The following NEK10 variants were observed in gnomAD, a reference collection of about 807,000 sequenced individuals.
The protein encoded by NEK10 is serine/threonine-protein kinase Nek10.
Under a neutral mutation model 159.8 loss-of-function variants are expected in NEK10, and 122 were observed. The observed-to-expected ratio is 0.76, with a 90% CI of 0.66 to 0.89. NEK10 has a LOEUF of 0.89. Ranked by LOEUF, NEK10 falls within the 40% of genes least tolerant of loss-of-function variation. The pLI, the probability that NEK10 is intolerant of heterozygous loss-of-function variation, is 0.00. For synonymous variants in NEK10, 466 were observed against 457.1 expected (o/e 1.02, Z -0.25); for missense variants, 1,342 against 1,323.1 (o/e 1.01, Z -0.22).
chr3:27,143,017 T>C (rs891810264), intron 30 of NEK10, among the ~76,000 whole-genome samples: 1 of 152,264 alleles, frequency 6.6e-6, no homozygotes, highest in South Asian at 2.1e-4. Context: ...TAAATACCCT[T>C]GGGATAAAAA....
At chr3:27,352,237 G>A (rs2048021611) in intron 3 of NEK10, among the ~76,000 whole-genome samples, 1 of 152,204 alleles carries the variant, frequency 6.6e-6, no homozygotes, top group Non-Finnish European at 1.5e-5. Context: ...GACACAGGGT[G>A]AGAAGCATAG....
intron 12 of NEK10, among the ~76,000 whole-genome samples, chr3:27,302,740 C>T (rs916156346): frequency 1.3e-5 from 2 of 152,138 alleles, no homozygotes; most frequent in African/African-American, 4.8e-5. Context: ...ATGGAGTTTC[C>T]TTGACTTCCC....
At chr3:27,202,368 TAAGA>T in intron 24 of NEK10, 56 bp downstream of exon 24, 1 of 1,503,342 alleles carries the variant, frequency 6.7e-7, no homozygotes, top group Non-Finnish European at 9.0e-7. Context: ...ATCTGTTTAA[TAAGA>T]AAAAGAATTG....
At chr3:27,283,892 C>T (rs528441729) in intron 22 of NEK10, among the ~76,000 whole-genome samples, 1 of 152,244 alleles carries the variant, frequency 6.6e-6, no homozygotes, top group Non-Finnish European at 1.5e-5. Flanking sequence ...ATGTGTTGGT[C>T]ATAAAAGCTT....
intron 5 of NEK10, among the ~76,000 whole-genome samples, chr3:27,335,103 C>T (rs576560775): frequency 1.6e-3 from 245 of 152,180 alleles, no homozygotes; most frequent in African/African-American, 5.5e-3. Flanking sequence ...CTTTGGGAGG[C>T]GGAGGCGAGT....
At chr3:27,263,027 C>A (rs2040552011) in intron 22 of NEK10, among the ~76,000 whole-genome samples, 1 of 152,168 alleles carries the variant, frequency 6.6e-6, no homozygotes, top group Non-Finnish European at 1.5e-5. Context: ...GTTAGTTTTC[C>A]TTCTAACAGT....
intron 23 of NEK10, chr3:27,215,001 G>A (rs1951364243): frequency 1.5e-6 from 1 of 668,760 alleles, no homozygotes; most frequent in South Asian, 1.6e-5. Flanking sequence ...CCCACTTCCG[G>A]CCAAGCTCCA....
Position 27,332,614 on chromosome 3 carries a change from A to G in NEK10, c.363-10353T>C, listed in dbSNP as rs575706509. On this transcript the variant is annotated intron_variant, in intron 5 of 35. Coordinates refer to ENST00000691995, the MANE Select transcript of NEK10 (RefSeq NM_001394966.1). The stretch of plus-strand genomic sequence containing the variant: ...TGCAAGTTTGTTTCACAAATACATA[A>G]TATTTGCCTTGTAATACGGAATCTT... Among the ~76,000 whole-genome samples, 54 of 152,356 alleles carry G rather than the reference A, an allele frequency of 3.5e-4. 2 individuals carry two copies. The East Asian group carries it at 3.9e-3, about 11-fold the overall frequency.
At chr3:27,340,436 G>T (rs1279247156) in intron 5 of NEK10, among the ~76,000 whole-genome samples, 1 of 152,058 alleles carries the variant, frequency 6.6e-6, no homozygotes, top group South Asian at 2.1e-4. Flanking sequence ...ACAACGGGTG[G>T]ATAGGTGCAG....
chr3:27,144,111 T>C (rs998132299), intron 30 of NEK10, among the ~76,000 whole-genome samples: 2 of 152,140 alleles, frequency 1.3e-5, no homozygotes, highest in African/African-American at 4.8e-5. Flanking sequence ...CTTGCACTCT[T>C]CCTCCCTTCT....
chr3:27,276,949 A>T (rs909868860), intron 22 of NEK10, among the ~76,000 whole-genome samples: 17 of 152,194 alleles, frequency 1.1e-4, no homozygotes, highest in African/African-American at 4.1e-4. Context: ...AGCTCACCTC[A>T]ACAGTCTCTC....
rs201621890 is a variant in NEK10 at position 27,304,963 on chromosome 3, G to A, written c.812C>T (p.Ala271Val). 1.8e-4 allele frequency: 295 copies of A among 1,608,228 alleles called. No homozygotes were observed. Among genetic ancestry groups the A allele is most frequent in the Admixed American group, 3.5e-4 (21 of 59,864 alleles). The change falls in exon 12 of 36, where the codon GCG becomes GTG. Residue 271 changes from alanine (A) to valine (V), a missense_variant. Physicochemically the swap from Ala to Val is moderately conservative, Grantham distance 64 (BLOSUM62 0). Coordinates refer to ENST00000691995, the MANE Select transcript of NEK10 (RefSeq NM_001394966.1). ...TGCACAAAGTAGGCGCAGCAACTCC[G>A]CTGTTAGTCTGAAAGGGGTACAGAG... ...EYDLLSKRLT[A>V]ELLRLLCAEP...
At chr3:27,302,183 A>C (rs997053321) in intron 12 of NEK10, among the ~76,000 whole-genome samples, 5 of 152,008 alleles carry the variant, frequency 3.3e-5, no homozygotes, top group African/African-American at 9.7e-5. Flanking sequence ...ATCTTCCTTT[A>C]TTTTAAGAAA....
chr3:27,324,203 T>A (rs2045853623), intron 5 of NEK10, among the ~76,000 whole-genome samples: 1 of 152,202 alleles, frequency 6.6e-6, no homozygotes, highest in Non-Finnish European at 1.5e-5. Context: ...CATCCAGTTA[T>A]AGCTAGTAGT....
intron 30 of NEK10, among the ~76,000 whole-genome samples, chr3:27,156,931 TATATATA>T (rs918423058): frequency 1.9e-4 from 1 of 5,302 alleles, no homozygotes; most frequent in African/African-American, 2.0e-3. Context: ...AAGAAACTGA[TATATATA>T]TATATATATA....
intron 5 of NEK10, among the ~76,000 whole-genome samples, chr3:27,334,921 G>T (rs1030389461): frequency 4.6e-5 from 7 of 152,012 alleles, no homozygotes; most frequent in Non-Finnish European, 8.8e-5. Flanking sequence ...CATGGAAAAA[G>T]AATTCAAATT....
At chr3:27,215,756 A>G (rs1268733306) in intron 23 of NEK10, 1 of 714,090 alleles carries the variant, frequency 1.4e-6, no homozygotes, top group Non-Finnish European at 2.6e-6. Flanking sequence ...TACAGGAACC[A>G]TGATGGCATT....
intron 22 of NEK10, among the ~76,000 whole-genome samples, chr3:27,264,856 T>A (rs910993923): frequency 6.6e-6 from 1 of 151,730 alleles, no homozygotes; most frequent in Admixed American, 6.6e-5. Flanking sequence ...ATCACATCAC[T>A]GCACTCCAGC....
At chr3:27,225,381 T>C (rs1488971582) in intron 23 of NEK10, among the ~76,000 whole-genome samples, 3 of 152,136 alleles carry the variant, frequency 2.0e-5, no homozygotes, top group Non-Finnish European at 4.4e-5. Flanking sequence ...TTCAATCCAA[T>C]CAAGTTGACA....
Sources: gnomAD v4.1 joint callset for allele counts (sites outside exome capture counted in the v4.1 genomes callset) on GRCh38, gnomAD v4.1.1 for gene constraint, MANE v1.5 for transcripts, NCBI Gene and HGNC (gene_info 2026-07-23, HGNC 2026-07-21) for gene names.